Variants in CREB3L2 observed in about 807,000 individuals in gnomAD.
The protein encoded by CREB3L2 is cAMP responsive element binding protein 3 like 2.
CREB3L2 carries 23 observed loss-of-function variants against 57.2 expected under a neutral mutation model. The ratio of observed to expected loss-of-function variants is 0.40; its 90% CI spans 0.29 to 0.57. The LOEUF is 0.57. CREB3L2 is among the 20% of genes least tolerant of loss of function. The pLI, the probability that CREB3L2 is intolerant of heterozygous loss-of-function variation, is 0.42. For missense variants in CREB3L2, 628 were observed against 634.7 expected, an observed-to-expected ratio of 0.99 and a Z score of 0.11; for synonymous variants, 268 against 265.1, an observed-to-expected ratio of 1.01 and a Z score of -0.11.
At chr7:137,928,649 G>A (rs1336690606) in intron 1 of CREB3L2, among the ~76,000 whole-genome samples, 1 of 152,214 alleles carries the variant, frequency 6.6e-6, no homozygotes, top group Non-Finnish European at 1.5e-5. Context: ...AAGGCTGGCT[G>A]GGAGTGTGCT....
chr7:137,922,403 T>TATAC (rs1800320841), intron 2 of CREB3L2, among the ~76,000 whole-genome samples: 1 of 18,820 alleles, frequency 5.3e-5, no homozygotes, highest in Non-Finnish European at 9.8e-5. Flanking sequence ...TATATATATA[T>TATAC]ATATATATAT....
intron 1 of CREB3L2, among the ~76,000 whole-genome samples, chr7:137,991,505 A>G (rs569897741): frequency 2.6e-5 from 4 of 152,250 alleles, no homozygotes; most frequent in East Asian, 3.9e-4. Context: ...TGGTAGGGGC[A>G]TAACACATGT....
At chr7:137,887,005 G>A (rs1185556989) in intron 8 of CREB3L2, among the ~76,000 whole-genome samples, 1 of 152,088 alleles carries the variant, frequency 6.6e-6, no homozygotes, top group East Asian at 1.9e-4. Flanking sequence ...CCCAAACCCA[G>A]TGCATATGGC....
At chr7:137,943,322 T>C (rs1800908621) in intron 1 of CREB3L2, among the ~76,000 whole-genome samples, 1 of 152,118 alleles carries the variant, frequency 6.6e-6, no homozygotes, top group South Asian at 2.1e-4. Context: ...TCTCTGGCCT[T>C]TTCTGAGATT....
intron 10 of CREB3L2, among the ~76,000 whole-genome samples, chr7:137,882,953 G>A (rs1308327565): frequency 6.6e-6 from 1 of 152,158 alleles, no homozygotes; most frequent in Non-Finnish European, 1.5e-5. Context: ...GATTCATGGA[G>A]AATGGGAGTG....
intron 8 of CREB3L2, 91 bp from the exon 9 acceptor site, chr7:137,885,593 T>C: frequency 1.0e-6 from 1 of 967,554 alleles, no homozygotes. Context: ...CCGCCGTGCC[T>C]TTGTGCCTGC....
chr7:138,001,604 C>G lies in CREB3L2; in HGVS notation c.102G>C (p.Thr34=), dbSNP rs1563278677. Reference sequence around the variant, plus strand: ...CCTGCCCCGCCCGCCGGGTCCTCACCGTGTGGTACATGAGGGCCTCGCCGT... The same window carrying G: ...CCTGCCCCGCCCGCCGGGTCCTCACGGTGTGGTACATGAGGGCCTCGCCGT... The part of the protein sequence containing the change: ...PGDGEALMYH[T]HFSELLDEFS... The change falls in exon 1 of 12, where the codon ACG becomes ACC. Residue 34 remains threonine, a splice_region_variant and synonymous_variant. Coordinates refer to ENST00000330387, the MANE Select transcript of CREB3L2 (RefSeq NM_194071.4). This position sits in a 1 kb window ranked among gnomAD's most constrained non-coding sequence, Gnocchi z 4.2. 6.2e-7 allele frequency: 1 copy of G among 1,610,678 alleles called. No homozygotes were observed.
intron 1 of CREB3L2, among the ~76,000 whole-genome samples, chr7:137,946,830 C>A (rs58397257): frequency 4.8e-5 from 1 of 20,622 alleles, no homozygotes; most frequent in African/African-American, 2.4e-4. Flanking sequence ...ATATAGTTAT[C>A]TATATATAGT....
At chr7:137,940,517 A>G (rs577939202) in intron 1 of CREB3L2, among the ~76,000 whole-genome samples, 2 of 148,602 alleles carry the variant, frequency 1.3e-5, no homozygotes, top group East Asian at 4.0e-4. Context: ...TGGCACATGA[A>G]ATCAAAGAGT....
chr7:137,922,403 T>TAC (rs1244130319), intron 2 of CREB3L2, among the ~76,000 whole-genome samples: 6 of 18,826 alleles, frequency 3.2e-4, no homozygotes, highest in Middle Eastern at 0.016. Flanking sequence ...TATATATATA[T>TAC]ATATATATAT....
chr7:137,987,020 C>T (rs1048144484), intron 1 of CREB3L2, among the ~76,000 whole-genome samples: 1 of 152,210 alleles, frequency 6.6e-6, no homozygotes, highest in East Asian at 1.9e-4. Flanking sequence ...CCTTGGCCTC[C>T]TCAGCCCACT....
intron 2 of CREB3L2, among the ~76,000 whole-genome samples, chr7:137,919,849 C>A (rs1447258212): frequency 6.6e-6 from 1 of 152,152 alleles, no homozygotes; most frequent in Non-Finnish European, 1.5e-5. Flanking sequence ...GATAGAAAAG[C>A]ATCAAAAGAA....
At chr7:137,989,736 G>A (rs1337490632) in intron 1 of CREB3L2, among the ~76,000 whole-genome samples, 1 of 152,052 alleles carries the variant, frequency 6.6e-6, no homozygotes, top group Non-Finnish European at 1.5e-5. Context: ...GAATTACTGT[G>A]CCTGAAAGTG....
At chr7:137,976,307 T>C (rs888857830) in intron 1 of CREB3L2, among the ~76,000 whole-genome samples, 1 of 152,230 alleles carries the variant, frequency 6.6e-6, no homozygotes, top group Non-Finnish European at 1.5e-5. Context: ...CTCTCTCCAC[T>C]TACCTCCACA....
chr7:137,967,592 T>C (rs1801429944), intron 1 of CREB3L2, among the ~76,000 whole-genome samples: 1 of 152,176 alleles, frequency 6.6e-6, no homozygotes, highest in Non-Finnish European at 1.5e-5. Flanking sequence ...GCAAGTGCCC[T>C]TGCTATTGAT....
At chr7:137,889,406 C>T (rs1347202824) in intron 8 of CREB3L2, among the ~76,000 whole-genome samples, 4 of 152,158 alleles carry the variant, frequency 2.6e-5, no homozygotes, top group Non-Finnish European at 4.4e-5. Flanking sequence ...TTGGCATTCA[C>T]GGACACATCC....
At chr7:137,935,646 T>C (rs901360652) in intron 1 of CREB3L2, among the ~76,000 whole-genome samples, 2 of 152,140 alleles carry the variant, frequency 1.3e-5, no homozygotes, top group Non-Finnish European at 2.9e-5. Context: ...TCAGAGATCA[T>C]AGATCGTAGA....
At chr7:137,976,458 G>A (rs1399562262) in intron 1 of CREB3L2, among the ~76,000 whole-genome samples, 15 of 152,016 alleles carry the variant, frequency 9.9e-5, no homozygotes, top group Admixed American at 9.8e-4. Flanking sequence ...GGTTATGTTT[G>A]TTTTTTTCCC....
intron 2 of CREB3L2, among the ~76,000 whole-genome samples, chr7:137,919,744 T>C (rs553732386): frequency 9.9e-5 from 15 of 152,244 alleles, no homozygotes; most frequent in Non-Finnish European, 2.2e-4. Flanking sequence ...TAATATTACA[T>C]GTATACAGCC....
Sources: allele counts gnomAD v4.1 joint callset (sites outside exome capture counted in the v4.1 genomes callset), GRCh38; gene constraint gnomAD v4.1.1; non-coding constraint Gnocchi (gnomAD v3.1); transcripts MANE v1.5; gene names NCBI Gene and HGNC (gene_info 2026-07-23, HGNC 2026-07-21).